SAFB2: variants seen among roughly 807,000 people sequenced by gnomAD.
SAFB2 encodes scaffold attachment factor B2.
In SAFB2, 32 loss-of-function variants were observed where a neutral mutation model predicts 100.6. The observed-to-expected ratio is 0.32, with a 90% CI of 0.24 to 0.43. The LOEUF (loss-of-function observed/expected upper bound fraction) is 0.43. Ranked by LOEUF, SAFB2 falls within the 20% of genes least tolerant of loss-of-function variation. The probability of loss-of-function intolerance (pLI) is 1.00; values close to 1 mark genes in which losing one functional copy is unlikely to be tolerated. For missense variants in SAFB2, 1,185 were observed against 1,163.4 expected (o/e 1.02, Z -0.27); for synonymous variants, 500 against 439.4 (o/e 1.14, Z -1.72).
chr19:5,589,505 C>T (rs912228530), intron 18 of SAFB2, among the ~76,000 whole-genome samples: 1 of 151,976 alleles, frequency 6.6e-6, no homozygotes, highest in Non-Finnish European at 1.5e-5. Context: ...CAGCCCTGGG[C>T]CAGGGCTGGA....
chr19:5,587,603 A>T lies in SAFB2; in HGVS notation c.2705+98T>A. The T allele has an allele frequency of 1.4e-6, 2 of 1,462,962 alleles. No individual in the cohort carries two copies. The highest frequency in any genetic ancestry group is 1.4e-5 in the South Asian group (1 of 72,052). 90.6% of individuals were successfully genotyped at this position (1,462,962 alleles called of 1,614,324 possible). A position where few individuals can be genotyped will look rare whatever the true frequency, so the allele number is the denominator to read the frequency against. ...AAGAGCTGCTTTTTGCTTTGTTTTCATAACATCCAACCCAGCCAGCTGATC... is the reference window on the plus strand; with the variant it reads ...AAGAGCTGCTTTTTGCTTTGTTTTCTTAACATCCAACCCAGCCAGCTGATC... On this transcript the variant is annotated intron_variant, in intron 20 of 20. Transcript: ENST00000252542. This position sits in a 1 kb window ranked among gnomAD's most constrained non-coding sequence, Gnocchi z 4.9.
chr19:5,600,041 A>G, intron 12 of SAFB2, 89 bp downstream of exon 12: 2 of 1,358,848 alleles, frequency 1.5e-6, no homozygotes, highest in Non-Finnish European at 2.0e-6. Flanking sequence ...ATGTCACCAG[A>G]GCTTGCTGTC....
At chr19:5,618,491 T>C (rs1298238953) in intron 2 of SAFB2, among the ~76,000 whole-genome samples, 2 of 152,388 alleles carry the variant, frequency 1.3e-5, no homozygotes, top group East Asian at 1.9e-4. Flanking sequence ...CGTGAGCTTT[T>C]TCCAGTCTAT....
intron 1 of SAFB2, among the ~76,000 whole-genome samples, chr19:5,622,199 G>C (rs1234085567): frequency 1.3e-5 from 2 of 152,250 alleles, no homozygotes; most frequent in Admixed American, 6.5e-5. Context: ...CTGAGGCACA[G>C]AGAGAAAGGC....
chr19:5,596,730 A>C (rs944859705), intron 13 of SAFB2, among the ~76,000 whole-genome samples: 2 of 152,118 alleles, frequency 1.3e-5, no homozygotes, highest in African/African-American at 2.4e-5. Flanking sequence ...CCCCTCACCC[A>C]AACTGGCTAC....
rs1172889134 is a variant in SAFB2, at chr19:5,622,736, C to A, written c.-21G>T. 1.3e-5 allele frequency: 20 copies of A among 1,588,336 alleles called. No individual in the cohort carries two copies. The highest frequency in any genetic ancestry group is 1.7e-4 in the Middle Eastern group (1 of 6,054). ...GCCATCGTCGCGTTCCCGTCTTCGC[C>A]ACCGACTCAGTCGCACACCGCCGGC... On this transcript the variant is annotated 5_prime_UTR_variant, in exon 1 of 21. Coordinates refer to ENST00000252542, the MANE Select transcript of SAFB2 (RefSeq NM_014649.3).
intron 6 of SAFB2, chr19:5,611,949 C>G: frequency 2.1e-6 from 1 of 477,636 alleles, no homozygotes; most frequent in Non-Finnish European, 3.8e-6. Context: ...TTCCAATGTC[C>G]AAGGTGCTGA....
chr19:5,609,920 G>T, intron 9 of SAFB2, 75 bp downstream of exon 9: 1 of 1,302,034 alleles, frequency 7.7e-7, no homozygotes, highest in South Asian at 1.2e-5. Context: ...TTATAGACGT[G>T]AACCACCGTG....
chr19:5,596,286 A>G (rs1255169495), intron 13 of SAFB2, among the ~76,000 whole-genome samples: 1 of 152,182 alleles, frequency 6.6e-6, no homozygotes, highest in Non-Finnish European at 1.5e-5. Context: ...GAATATGCCA[A>G]AATGCTTTAA....
intron 13 of SAFB2, 119 bp downstream of exon 13, chr19:5,598,674 G>A (rs564680367): frequency 5.2e-5 from 42 of 813,170 alleles, no homozygotes; most frequent in Middle Eastern, 2.3e-4. Context: ...CAATTATCGC[G>A]CCTCCTACAA....
At chr19:5,598,937 CGCAGTAAACA>C in intron 12 of SAFB2, 53 bp from the exon 13 acceptor site, 2 of 1,543,038 alleles carry the variant, frequency 1.3e-6, no homozygotes, top group East Asian at 4.5e-5. Flanking sequence ...CCCAACTTCC[CGCAGTAAACA>C]GCACTCTGAT....
Position 5,587,308 on chromosome 19 carries a change from C to T in SAFB2, c.2797G>A (p.Gly933Ser), listed in dbSNP as rs1379389992. The change falls in exon 21 of 21, where the codon GGC (glycine) becomes AGC (serine). Residue 933 changes from glycine (G) to serine (S), a missense_variant. This residue lies in a region of SAFB2 where 740 missense variants were observed against 687.1 expected (regional missense o/e 1.08). Coordinates refer to ENST00000252542, the MANE Select transcript of SAFB2 (RefSeq NM_014649.3). The surrounding 1 kb of genome is among the most constrained non-coding windows in gnomAD (Gnocchi z 4.9). ...GGGTGTGGGTGAGGGACTCTGCTGCCCCGGTCCTGGCTGGCCACTCCGCCA... is the reference window on the plus strand; with the variant it reads ...GGGTGTGGGTGAGGGACTCTGCTGCTCCGGTCCTGGCTGGCCACTCCGCCA... ...EGGGVASQDR[G>S]SRVPHPHPHP... 6.2e-7 allele frequency: 1 copy of T among 1,612,646 alleles called. No individual in the cohort carries two copies. The highest frequency in any genetic ancestry group is 1.1e-5 in the South Asian group (1 of 90,888).
At position 5,610,098 on chromosome 19, in the gene SAFB2, G is replaced by A. The variant is rs2052875640; in HGVS notation, c.1196-3C>T. The A allele has an allele frequency of 6.2e-7, 1 of 1,613,544 alleles. No individual in the cohort carries two copies. Among genetic ancestry groups the A allele is most frequent in the Admixed American group, 1.7e-5 (1 of 60,024 alleles). Reference sequence around the variant, plus strand: ...ACCAGAACCGCTGCCGACCCGACCTGGCACGAGAGGGAGATTCTTAGGCAT... The same window carrying A: ...ACCAGAACCGCTGCCGACCCGACCTAGCACGAGAGGGAGATTCTTAGGCAT... On this transcript the variant is annotated splice_polypyrimidine_tract_variant and splice_region_variant and intron_variant, in intron 8 of 20. Coordinates refer to ENST00000252542, the MANE Select transcript of SAFB2 (RefSeq NM_014649.3).
At chr19:5,616,796 C>T (rs1423715623) in intron 2 of SAFB2, among the ~76,000 whole-genome samples, 6 of 151,830 alleles carry the variant, frequency 4.0e-5, no homozygotes, top group African/African-American at 7.3e-5. Context: ...GGACTACAGG[C>T]GTGCATCACC....
In SAFB2 at chr19:5,587,836, A is replaced by G. The variant is rs1480703449; in HGVS notation, c.2638+32T>C. 1 of 1,587,860 alleles carries G rather than the reference A, an allele frequency of 6.3e-7. No homozygotes were observed. Among genetic ancestry groups the G allele is most frequent in the Non-Finnish European group, 8.6e-7 (1 of 1,166,082 alleles). On this transcript the variant is annotated intron_variant, in intron 19 of 20. Transcript: ENST00000252542. This position sits in a 1 kb window ranked among gnomAD's most constrained non-coding sequence, Gnocchi z 4.9. ...GCCCCTGGACACATGTGGGGGCCAC[A>G]GCCACCCTCGTCCCTGGAGCCAGCC...
rs752270862 is a variant in SAFB2, at chr19:5,590,444, A to C, written c.2395-36T>G. 14 of 1,563,540 alleles carry C rather than the reference A, an allele frequency of 9.0e-6. No individual in the cohort carries two copies. In the Admixed American group the frequency reaches 1.1e-4, roughly 12 times the overall value. On this transcript the variant is annotated intron_variant, in intron 17 of 20. Coordinates refer to ENST00000252542, the MANE Select transcript of SAFB2 (RefSeq NM_014649.3). Reference sequence around the variant, plus strand: ...GGAGAGGAACAGGGTGACACTGACCATGTCACCCACATAGGCCCACCTTCC... The same window carrying C: ...GGAGAGGAACAGGGTGACACTGACCCTGTCACCCACATAGGCCCACCTTCC...
intron 6 of SAFB2, 47 bp downstream of exon 6, chr19:5,612,493 G>C (rs1320816377): frequency 5.2e-6 from 8 of 1,538,438 alleles, no homozygotes; most frequent in Non-Finnish European, 7.2e-6. Context: ...TAAAATAATA[G>C]TGTGAAAACT....
chr19:5,598,161 T>C (rs1024506264), intron 13 of SAFB2, among the ~76,000 whole-genome samples: 1 of 148,300 alleles, frequency 6.7e-6, no homozygotes, highest in Admixed American at 6.7e-5. Flanking sequence ...AAAAGTTAAG[T>C]CTTAACAACA....
At chr19:5,600,069 C>A (rs1311824598) in intron 12 of SAFB2, 61 bp downstream of exon 12, 1 of 1,552,046 alleles carries the variant, frequency 6.4e-7, no homozygotes, top group East Asian at 2.3e-5. Flanking sequence ...TCCCTCGGAA[C>A]CCCCACTCCC....
Sources: gnomAD v4.1 joint callset for allele counts (sites outside exome capture counted in the v4.1 genomes callset) on GRCh38, gnomAD v4.1.1 for gene constraint, gnomAD v4.1.1 regional missense constraint, Gnocchi (gnomAD v3.1) non-coding constraint, MANE v1.5 for transcripts, NCBI Gene and HGNC (gene_info 2026-07-23, HGNC 2026-07-21) for gene names.